Variants in POLE2 observed in about 807,000 individuals in gnomAD.
POLE2 encodes DNA polymerase epsilon 2, accessory subunit, also known as DNA polymerase epsilon subunit 2.
POLE2 carries 56 observed loss-of-function variants against 79.4 expected under a neutral mutation model. That is an observed-to-expected ratio of 0.71 (90% CI 0.57 to 0.88). The LOEUF (loss-of-function observed/expected upper bound fraction) is 0.88, where lower values mean the gene tolerates loss of function less well. Among genes scored for constraint, POLE2 ranks in the 40% least tolerant of loss-of-function variants. The probability of loss-of-function intolerance (pLI) is 0.00; values close to 1 mark genes in which losing one functional copy is unlikely to be tolerated. For synonymous variants in POLE2, 212 were observed against 214.0 expected (o/e 0.99, Z 0.08); for missense variants, 598 against 638.9 (o/e 0.94, Z 0.69).
intron 5 of POLE2, among the ~76,000 whole-genome samples, chr14:49,672,139 C>G (rs997431421): frequency 2.0e-5 from 3 of 152,092 alleles, no homozygotes; most frequent in Non-Finnish European, 4.4e-5. Flanking sequence ...AACAATAATT[C>G]CATATTTCAG....
At chr14:49,672,379 A>T (rs1267817571) in intron 5 of POLE2, among the ~76,000 whole-genome samples, 3 of 149,534 alleles carry the variant, frequency 2.0e-5, no homozygotes, top group Non-Finnish European at 4.5e-5. Flanking sequence ...TGGTTCCTCA[A>T]GATCATTCTT....
chr14:49,674,210 T>G lies in POLE2; in HGVS notation c.330A>C (p.Leu110Phe). The G allele has an allele frequency of 6.2e-7, 1 of 1,606,276 alleles. No homozygotes were observed. The highest frequency in any genetic ancestry group is 2.2e-5 in the East Asian group (1 of 44,828). Residue 110 changes from leucine (L) to phenylalanine (F), a missense_variant, in exon 5 of 19, where the codon TTA (leucine) becomes TTC (phenylalanine). Leu to Phe is a conservative substitution (Grantham distance 22). Coordinates refer to ENST00000216367, the MANE Select transcript of POLE2 (RefSeq NM_002692.4). ...AATTTGGTGCAGGGTGGTTGGTCAT[T>G]AACAGACTAGAAAAAGAGAATGCCT... The part of the protein sequence containing the change: ...NSERKKFLPL[L>F]MTNHPAPNLF...
At chr14:49,687,262 CAA>C (rs531800246) in intron 1 of POLE2, among the ~76,000 whole-genome samples, 59 of 124,400 alleles carry the variant, frequency 4.7e-4, no homozygotes, top group African/African-American at 1.7e-3. Context: ...GACCATGACT[CAA>C]AAAAAAAAAA....
chr14:49,655,153 C>T, intron 11 of POLE2, 59 bp from the exon 12 acceptor site: 1 of 671,448 alleles, frequency 1.5e-6, no homozygotes, highest in Non-Finnish European at 2.3e-6. Flanking sequence ...AAGTTAAAAA[C>T]CCTTTAACCA....
At chr14:49,664,591 G>T in intron 9 of POLE2, 35 bp downstream of exon 9, 1 of 1,343,474 alleles carries the variant, frequency 7.4e-7, no homozygotes, top group Non-Finnish European at 1.1e-6. Flanking sequence ...ACTGGAGAAT[G>T]AGAAGAAGGA....
intron 10 of POLE2, among the ~76,000 whole-genome samples, chr14:49,660,948 G>C (rs1566543865): frequency 1.3e-5 from 2 of 152,074 alleles, no homozygotes; most frequent in African/African-American, 4.8e-5. Context: ...GGGGGGTAGG[G>C]GGACAAAGTC....
chr14:49,664,649 T>C lies in POLE2; in HGVS notation c.659A>G (p.Glu220Gly). 1 of 1,595,984 alleles carries C rather than the reference T, an allele frequency of 6.3e-7. No homozygotes were observed. Among genetic ancestry groups the C allele is most frequent in the African/African-American group, 1.3e-5 (1 of 74,686 alleles). Reference sequence around the variant, plus strand: ...ACCTTCTGCTAAGACAAAGCATGCCTCTGTGTATAAACCACTATGGAACTG... The same window carrying C: ...ACCTTCTGCTAAGACAAAGCATGCCCCTGTGTATAAACCACTATGGAACTG... Reference protein sequence around the residue: ...KAQFHSGLYTEACFVLAEGWF... With the variant: ...KAQFHSGLYTGACFVLAEGWF... Residue 220 changes from glutamate to glycine, a missense_variant, in exon 9 of 19, where the codon GAG (glutamate) becomes GGG (glycine). Transcript: ENST00000216367.
chr14:49,684,685 A>G (rs797022579), intron 1 of POLE2: 3 of 146,892 alleles, frequency 2.0e-5, no homozygotes, highest in African/African-American at 7.5e-5. Context: ...AAAAAAAAAA[A>G]TCATGGCTGG....
At chr14:49,674,312 T>C in intron 4 of POLE2, 38 bp downstream of exon 4, 1 of 1,508,622 alleles carries the variant, frequency 6.6e-7, no homozygotes. Flanking sequence ...AAAAAGTACA[T>C]TTGAAATTAA....
At chr14:49,652,878 A>T (rs1281971023) in intron 15 of POLE2, among the ~76,000 whole-genome samples, 1 of 151,964 alleles carries the variant, frequency 6.6e-6, no homozygotes, top group Non-Finnish European at 1.5e-5. Context: ...TCTGTCTCCC[A>T]TAAGATCAGT....
intron 13 of POLE2, 88 bp downstream of exon 13, chr14:49,654,696 T>C: frequency 7.2e-7 from 1 of 1,395,928 alleles, no homozygotes; most frequent in Non-Finnish European, 9.5e-7. Context: ...TCCTTAGTTT[T>C]GTAATAATTG....
chr14:49,668,999 A>G (rs8020075), intron 6 of POLE2, among the ~76,000 whole-genome samples: 29,526 of 152,060 alleles, frequency 0.19, 3,092 homozygotes, highest in African/African-American at 0.25. Flanking sequence ...ATGAGGTCTT[A>G]CTATGTTGGC....
intron 9 of POLE2, 135 bp downstream of exon 9, chr14:49,664,491 A>C: frequency 1.5e-6 from 1 of 686,814 alleles, no homozygotes; most frequent in Non-Finnish European, 2.6e-6. Flanking sequence ...TTAACAGTCT[A>C]AGAGTTATTT....
intron 10 of POLE2, among the ~76,000 whole-genome samples, chr14:49,662,478 T>C (rs893453507): frequency 4.6e-5 from 7 of 152,242 alleles, no homozygotes; most frequent in African/African-American, 1.7e-4. Flanking sequence ...ACTACTTTAA[T>C]TCCCCCAGAG....
At chr14:49,667,057 A>G (rs1166517766) in intron 6 of POLE2, among the ~76,000 whole-genome samples, 5 of 151,978 alleles carry the variant, frequency 3.3e-5, no homozygotes, top group Non-Finnish European at 4.4e-5. Context: ...GCATGGTGGC[A>G]GGCGCCTGTA....
chr14:49,677,840 C>A, intron 3 of POLE2: 1 of 468,526 alleles, frequency 2.1e-6, no homozygotes, highest in Non-Finnish European at 3.7e-6. Context: ...CCTCCTCAGT[C>A]AGCTGGAGGT....
rs547099784 is a variant in POLE2 at position 49,663,404 on chromosome 14, T to A, written c.683-17A>T. ...CAAACCAACCTGAAAAAAAGTAACG[T>A]CACTTTCATTTGTCTAATCCTCTAT... On this transcript the variant is annotated splice_polypyrimidine_tract_variant and intron_variant, in intron 9 of 18. Transcript: ENST00000216367. 1.0e-5 allele frequency: 16 copies of A among 1,575,860 alleles called. No homozygotes were observed. The African/African-American group carries it at 1.1e-4, about 11-fold the overall frequency.
chr14:49,683,653 T>C lies in POLE2; in HGVS notation c.109A>G (p.Ser37Gly). The change falls in exon 2 of 19, where the codon AGT becomes GGT. Residue 37 changes from serine (S) to glycine (G), a missense_variant. Transcript: ENST00000216367. Reference protein sequence around the residue: ...KYLTEALQSISELELEDKLEK... With the variant: ...KYLTEALQSIGELELEDKLEK... ...AGTTTATCTTCAAGCTCTAATTCAC[T>C]GATAGACTGAAGAGCTTCTGTGAGG... is the stretch of plus-strand genomic sequence containing the variant. 6.3e-7 allele frequency: 1 copy of C among 1,593,572 alleles called. No individual in the cohort carries two copies. The highest frequency in any genetic ancestry group is 2.2e-5 in the East Asian group (1 of 44,728).
intron 7 of POLE2, among the ~76,000 whole-genome samples, chr14:49,665,695 T>G (rs1394053984): frequency 6.6e-6 from 1 of 150,400 alleles, no homozygotes; most frequent in East Asian, 1.9e-4. Flanking sequence ...TTTTTTTTTT[T>G]ACTATTACAA....
Sources: gnomAD v4.1 joint callset for allele counts (sites outside exome capture counted in the v4.1 genomes callset) on GRCh38, gnomAD v4.1.1 for gene constraint, MANE v1.5 for transcripts, NCBI Gene and HGNC (gene_info 2026-07-23, HGNC 2026-07-21) for gene names.